The following ZNF726 variants were observed in gnomAD, a reference collection of about 807,000 sequenced individuals.
ZNF726 encodes the protein zinc finger protein 92 pseudogene 3.
ZNF726 carries 15 observed loss-of-function variants against 11.6 expected under a neutral mutation model. The ratio of observed to expected loss-of-function variants is 1.29; its 90% CI spans 0.86 to 1.99. The LOEUF (loss-of-function observed/expected upper bound fraction) is 1.99. Ranked by LOEUF, ZNF726 falls within the 30% of genes most tolerant of loss-of-function variation. ZNF726 has a pLI of 0.00. For synonymous variants in ZNF726, 295 were observed against 243.6 expected, an observed-to-expected ratio of 1.21 and a Z score of -1.96; for missense variants, 890 against 725.6, an observed-to-expected ratio of 1.23 and a Z score of -2.60.
At position 23,934,009 on chromosome 19, in the gene ZNF726, T is replaced by C. The variant is rs778298423; in HGVS notation, c.*42T>C. 6.4e-7 allele frequency: 1 copy of C among 1,573,708 alleles called. No homozygotes were observed. The highest frequency in any genetic ancestry group is 1.4e-5 in the African/African-American group (1 of 72,424). On this transcript the variant is annotated 3_prime_UTR_variant, in exon 4 of 4. Transcript: ENST00000594466. ...GGTAAAGAATGTGGCAAAGCATTTA[T>C]ATGGTCCTCAACGCTAAACATAAGA...
At chr19:23,926,108 C>T (rs1967980521) in intron 3 of ZNF726, among the ~76,000 whole-genome samples, 1 of 152,116 alleles carries the variant, frequency 6.6e-6, no homozygotes, top group Non-Finnish European at 1.5e-5. Flanking sequence ...AATGCATTAT[C>T]CATCTTTTAA....
intron 1 of ZNF726, among the ~76,000 whole-genome samples, chr19:23,916,801 A>T (rs565152282): frequency 1.3e-3 from 191 of 145,400 alleles, no homozygotes; most frequent in Non-Finnish European, 2.1e-3. Context: ...TTGGGTCAAG[A>T]TTTTTTTTTT....
downstream of ZNF726, chr19:23,935,487 A>T: frequency 2.1e-6 from 1 of 471,844 alleles, no homozygotes; most frequent in Non-Finnish European, 4.2e-6. Context: ...TGGAAAGCCT[A>T]AAAAAGTCCT....
At chr19:23,916,419 G>A (rs953581178) in intron 1 of ZNF726, among the ~76,000 whole-genome samples, 1 of 151,786 alleles carries the variant, frequency 6.6e-6, no homozygotes, top group Non-Finnish European at 1.5e-5. Context: ...TGCAGCCTCC[G>A]CCTCCTGGGC....
chr19:23,915,722 A>G (rs952024182), intron 1 of ZNF726, among the ~76,000 whole-genome samples: 11 of 151,942 alleles, frequency 7.2e-5, no homozygotes, highest in African/African-American at 2.7e-4. Context: ...TTGGGACTAC[A>G]GGCGCCTGCC....
At position 23,932,540 on chromosome 19, in the gene ZNF726, G is replaced by C. The variant is rs762238689; in HGVS notation, c.424G>C (p.Gly142Arg). The C allele has an allele frequency of 1.3e-5, 21 of 1,590,180 alleles. No homozygotes were observed. In the Middle Eastern group the frequency reaches 6.8e-4, roughly 51 times the overall value. The change falls in exon 4 of 4, where the codon GGC becomes CGC. Residue 142 changes from glycine to arginine, a missense_variant. Gly to Arg is a moderately radical substitution (Grantham distance 125). Transcript: ENST00000594466. Reference sequence around the variant, plus strand: ...TAACCAGTGTTTCACAACTACCCAGGGCAAAGCTTCTCAATGTGGTAAATA... The same window carrying C: ...TAACCAGTGTTTCACAACTACCCAGCGCAAAGCTTCTCAATGTGGTAAATA... ...GLNQCFTTTQ[G>R]KASQCGKYLK...
intron 1 of ZNF726, among the ~76,000 whole-genome samples, chr19:23,915,683 C>T (rs2144950908): frequency 6.6e-6 from 1 of 152,028 alleles, no homozygotes; most frequent in South Asian, 2.1e-4. Flanking sequence ...CGGGTTCAAG[C>T]GATTTTTCTG....
intron 3 of ZNF726, among the ~76,000 whole-genome samples, chr19:23,941,659 G>C (rs905323090): frequency 4.6e-5 from 7 of 151,694 alleles, no homozygotes; most frequent in South Asian, 2.1e-4. Context: ...CTTTTTTATT[G>C]GTCTGTTCAG....
chr19:23,918,925 C>T (rs1967771632), intron 1 of ZNF726, among the ~76,000 whole-genome samples: 1 of 152,090 alleles, frequency 6.6e-6, no homozygotes, highest in Non-Finnish European at 1.5e-5. Flanking sequence ...GACTTTATTT[C>T]AGATCTTCTG....
intron 1 of ZNF726, among the ~76,000 whole-genome samples, chr19:23,917,534 A>G (rs1385452580): frequency 6.6e-6 from 1 of 152,118 alleles, no homozygotes; most frequent in Non-Finnish European, 1.5e-5. Context: ...GCTGTAGACA[A>G]TGAATACATT....
At chr19:23,940,924 A>G (rs757316230) in intron 3 of ZNF726, among the ~76,000 whole-genome samples, 1 of 152,164 alleles carries the variant, frequency 6.6e-6, no homozygotes, top group African/African-American at 2.4e-5. Context: ...TTATCATATC[A>G]TCAGCAAACA....
At chr19:23,929,097 A>G (rs1383228540) in intron 3 of ZNF726, 2 of 151,970 alleles carry the variant, frequency 1.3e-5, no homozygotes, top group African/African-American at 2.4e-5. Flanking sequence ...AAGTAGTTTA[A>G]TTTATATTTA....
chr19:23,924,471 TTTGTG>T (rs1435549008), intron 3 of ZNF726, among the ~76,000 whole-genome samples: 2 of 152,130 alleles, frequency 1.3e-5, no homozygotes, highest in Non-Finnish European at 2.9e-5. Flanking sequence ...AGATAATTCT[TTTGTG>T]ATTTGAAGGT....
chr19:23,937,750 G>T (rs143736958), downstream of ZNF726, among the ~76,000 whole-genome samples: 1 of 152,092 alleles, frequency 6.6e-6, no homozygotes, highest in Non-Finnish European at 1.5e-5. Context: ...GGTGGTGGCC[G>T]GGCAGAGGCT....
intron 3 of ZNF726, among the ~76,000 whole-genome samples, chr19:23,942,277 C>A (rs1224008357): frequency 6.6e-6 from 1 of 152,062 alleles, no homozygotes; most frequent in African/African-American, 2.4e-5. Flanking sequence ...TTTGAAAGTT[C>A]CTTTGAGAGT....
intron 1 of ZNF726, 112 bp downstream of exon 1, chr19:23,915,109 C>G: frequency 6.5e-7 from 1 of 1,530,726 alleles, no homozygotes; most frequent in Non-Finnish European, 9.0e-7. Flanking sequence ...ACAATCTGCG[C>G]CCGAGTTGTT....
intron 3 of ZNF726, among the ~76,000 whole-genome samples, chr19:23,925,099 G>A (rs1200172818): frequency 1.3e-5 from 2 of 151,890 alleles, no homozygotes; most frequent in South Asian, 2.1e-4. Context: ...AAGTGAAATC[G>A]TAACATCCAT....
Position 23,914,928 on chromosome 19 carries a change from T to C in ZNF726, c.-67T>C. 1 of 1,610,880 alleles carries C rather than the reference T, an allele frequency of 6.2e-7. No individual in the cohort carries two copies. Among genetic ancestry groups the C allele is most frequent in the Non-Finnish European group, 8.5e-7 (1 of 1,178,996 alleles). On this transcript the variant is annotated 5_prime_UTR_variant, in exon 1 of 4. Transcript: ENST00000594466. ...GAGCTCCAGGTCTCGTCCTCACTAC[T>C]CTGTGTCTTCTGCTTTTAGGGGCGC... is the stretch of plus-strand genomic sequence containing the variant.
rs1186424041 is a variant in ZNF726, at chr19:23,934,145, G to A, written c.*178G>A. 5.4e-6 allele frequency: 5 copies of A among 924,396 alleles called. No homozygotes were observed. The African/African-American group carries it at 6.6e-5, about 12-fold the overall frequency. 57.3% of individuals were successfully genotyped at this position (924,396 alleles called of 1,614,324 possible). ...CACACTGGAGAGAAACCTTACAAGT[G>A]TGAAGAATGTGGGAAAGCTTTTAAT... On this transcript the variant is annotated 3_prime_UTR_variant, in exon 4 of 4. Coordinates refer to ENST00000594466, the MANE Select transcript of ZNF726 (RefSeq NM_001244038.2).
Sources: gnomAD v4.1 joint callset for allele counts (sites outside exome capture counted in the v4.1 genomes callset) on GRCh38, gnomAD v4.1.1 for gene constraint, MANE v1.5 for transcripts, NCBI Gene and HGNC (gene_info 2026-07-23, HGNC 2026-07-21) for gene names.